The following IRAG2 variants were observed in gnomAD, a reference collection of about 807,000 sequenced individuals.
The protein encoded by IRAG2 is inositol 1,4,5-triphosphate receptor associated 2, also known as lymphoid restricted membrane protein.
Under a neutral mutation model 69.9 loss-of-function variants are expected in IRAG2, and 45 were observed. The observed-to-expected ratio is 0.64, with a 90% CI of 0.51 to 0.83. IRAG2 has a LOEUF of 0.83. Among genes scored for constraint, IRAG2 ranks in the 40% least tolerant of loss-of-function variants. The probability of loss-of-function intolerance (pLI) is 0.00; values close to 1 mark genes in which losing one functional copy is unlikely to be tolerated. For synonymous variants in IRAG2, 193 were observed against 202.4 expected, an observed-to-expected ratio of 0.95 and a Z score of 0.40; for missense variants, 520 against 587.0, an observed-to-expected ratio of 0.89 and a Z score of 1.18.
chr12:25,103,168 T>C (rs1349084920), intron 17 of IRAG2: 1 of 152,244 alleles, frequency 6.6e-6, no homozygotes. Context: ...AAATTTATCC[T>C]GATGTACTTA....
At chr12:25,058,007 C>A (rs1323077328) in intron 1 of IRAG2, among the ~76,000 whole-genome samples, 1 of 152,104 alleles carries the variant, frequency 6.6e-6, no homozygotes, top group East Asian at 1.9e-4. Context: ...TATTGGATAT[C>A]TGCAGTATAT....
upstream of IRAG2, among the ~76,000 whole-genome samples, chr12:25,051,492 A>G (rs1235562321): frequency 1.3e-5 from 2 of 152,198 alleles, no homozygotes; most frequent in Non-Finnish European, 2.9e-5. Context: ...TTTCCAGATA[A>G]TCATTGAGGT....
At position 25,040,019 on chromosome 12, in the gene IRAG2, G is replaced by A. The variant is rs116796586; in HGVS notation, c.2144+1882G>A. ...CTGACTTCAGAACCTGTGTCCTTTCGATGGTTGATCTCCCACCATCGACTT... is the reference window on the plus strand; with the variant it reads ...CTGACTTCAGAACCTGTGTCCTTTCAATGGTTGATCTCCCACCATCGACTT... On this transcript the variant is annotated intron_variant, in intron 16 of 38. Coordinates refer to the IRAG2 transcript ENST00000636465. Among the ~76,000 whole-genome samples the A allele has an allele frequency of 9.8e-3, 1,495 of 152,242 alleles. 27 individuals carry two copies. Among genetic ancestry groups the A allele is most frequent in the African/African-American group, 0.034 (1,404 of 41,548 alleles).
At chr12:25,077,308 G>GAAAT (rs1366137453) in intron 6 of IRAG2, among the ~76,000 whole-genome samples, 357 of 17,488 alleles carry the variant, frequency 0.02, 15 homozygotes, top group Non-Finnish European at 0.031. Flanking sequence ...AAATATATAT[G>GAAAT]ATATATATGA....
chr12:25,079,283 C>A lies in IRAG2; in HGVS notation c.64C>A (p.Gln22Lys). 1.2e-6 allele frequency: 2 copies of A among 1,613,958 alleles called. No individual in the cohort carries two copies. The highest frequency in any genetic ancestry group is 1.7e-6 in the Non-Finnish European group (2 of 1,179,886). ...VERVCPESLL[Q>K]SREYSSLPLP... ...ACGCGTGTGTCCTGAGAGCCTGCTGCAGTCCAGGTTTGCTTGTTTGTGTTG... is the reference window on the plus strand; with the variant it reads ...ACGCGTGTGTCCTGAGAGCCTGCTGAAGTCCAGGTTTGCTTGTTTGTGTTG... The change falls in exon 7 of 22, where the codon CAG becomes AAG. Residue 22 changes from glutamine to lysine, a missense_variant. By Grantham distance (53) the Gln-to-Lys change is moderately conservative. Transcript: ENST00000556887.
intron 1 of IRAG2, among the ~76,000 whole-genome samples, chr12:25,054,256 T>C (rs1380540604): frequency 6.6e-6 from 1 of 152,198 alleles, no homozygotes; most frequent in South Asian, 2.1e-4. Context: ...TCAGAGGGCA[T>C]TGGAGAAGGT....
intron 10 of IRAG2, among the ~76,000 whole-genome samples, chr12:25,087,545 CACA>C (rs1280995987): frequency 1.3e-5 from 2 of 152,092 alleles, no homozygotes; most frequent in Non-Finnish European, 2.9e-5. Flanking sequence ...TGTTGTAATT[CACA>C]TCATGTTTGC....
chr12:25,034,130 C>A (rs545680601), intron 13 of IRAG2, among the ~76,000 whole-genome samples: 1 of 152,134 alleles, frequency 6.6e-6, no homozygotes, highest in African/African-American at 2.4e-5. Flanking sequence ...TTTCAAGTTA[C>A]GGCCGAAAGC....
At chr12:25,090,875 G>A (rs902623579) in intron 14 of IRAG2, 5 of 453,550 alleles carry the variant, frequency 1.1e-5, no homozygotes, top group African/African-American at 1.0e-4. Context: ...AAGCTTCAAA[G>A]AAGAGAATCG....
At chr12:25,059,275 T>TA (rs71063396) in intron 1 of IRAG2, among the ~76,000 whole-genome samples, 21 of 152,140 alleles carry the variant, frequency 1.4e-4, no homozygotes, top group Middle Eastern at 3.4e-3. Flanking sequence ...CAGAATTTTT[T>TA]AAAAATTTCA....
intron 2 of IRAG2, chr12:25,011,311 A>G: frequency 8.3e-7 from 1 of 1,207,536 alleles, no homozygotes; most frequent in Non-Finnish European, 1.0e-6. Flanking sequence ...TAGGTGCTTC[A>G]CTTGTGAAAA....
intron 15 of IRAG2, among the ~76,000 whole-genome samples, chr12:25,037,305 T>C (rs1944709125): frequency 6.6e-6 from 1 of 152,084 alleles, no homozygotes; most frequent in South Asian, 2.1e-4. Context: ...AATTTTTTTT[T>C]GTTTTTGTTT....
chr12:25,020,898 C>T, exon 7 of IRAG2: 1 of 1,226,662 alleles, frequency 8.2e-7, no homozygotes, highest in Non-Finnish European at 1.0e-6. Context: ...TAGCCCAGAG[C>T]AAACAATTAG....
chr12:25,103,264 A>C (rs1948854027), intron 17 of IRAG2: 1 of 152,704 alleles, frequency 6.5e-6, no homozygotes, highest in African/African-American at 2.4e-5. Context: ...AACATCATGA[A>C]AATCCTTAAA....
chr12:25,081,622 A>G (rs1024146318), intron 9 of IRAG2, among the ~76,000 whole-genome samples: 1 of 152,208 alleles, frequency 6.6e-6, no homozygotes, highest in African/African-American at 2.4e-5. Context: ...CTCTGATACA[A>G]CTATTCATTT....
At chr12:25,060,810 G>A (rs566299371) in intron 1 of IRAG2, among the ~76,000 whole-genome samples, 38 of 150,724 alleles carry the variant, frequency 2.5e-4, no homozygotes, top group East Asian at 9.8e-4. Context: ...ACAGGCATGC[G>A]CCACCACACC....
chr12:25,012,999 T>G (rs1020534391), intron 3 of IRAG2, among the ~76,000 whole-genome samples: 6 of 152,220 alleles, frequency 3.9e-5, no homozygotes, highest in African/African-American at 1.4e-4. Context: ...AATCAAAAAC[T>G]GCAAATACAG....
chr12:25,081,356 C>G (rs150208372), intron 9 of IRAG2, among the ~76,000 whole-genome samples: 2,538 of 152,106 alleles, frequency 0.017, 64 homozygotes, highest in African/African-American at 0.058. Flanking sequence ...CCCAGCTACT[C>G]GGGAGGCTGA....
intron 2 of IRAG2, among the ~76,000 whole-genome samples, chr12:25,006,773 G>A (rs745598710): frequency 2.6e-4 from 39 of 152,132 alleles, no homozygotes; most frequent in Admixed American, 6.5e-4. Flanking sequence ...TGCTCAGTAC[G>A]TGGGTGATGG....
Sources: allele counts gnomAD v4.1 joint callset (sites outside exome capture counted in the v4.1 genomes callset), GRCh38; gene constraint gnomAD v4.1.1; transcripts MANE v1.5; gene names NCBI Gene and HGNC (gene_info 2026-07-23, HGNC 2026-07-21).